LMAN1: variants seen among roughly 807,000 people sequenced by gnomAD.
LMAN1 encodes protein ERGIC-53.
Under a neutral mutation model 67.8 loss-of-function variants are expected in LMAN1, and 32 were observed. The observed-to-expected ratio is 0.47, with a 90% confidence interval of 0.36 to 0.63. LMAN1 has a LOEUF of 0.63. LMAN1 is among the 30% of genes least tolerant of loss of function. LMAN1 has a pLI of 0.00. For missense variants in LMAN1, 632 were observed against 628.2 expected, an observed-to-expected ratio of 1.01 and a Z score of -0.06; for synonymous variants, 235 against 219.3, an observed-to-expected ratio of 1.07 and a Z score of -0.63.
In LMAN1 at chr18:59,328,733, T is replaced by C. The variant is rs916044195; in HGVS notation, c.*2360A>G. ...ACCCAGATGGTCCATGGATCATACT[T>C]TGAGAAACACTGATATCCCCTTAAT... On this transcript the variant is annotated 3_prime_UTR_variant, in exon 13 of 13. Coordinates refer to ENST00000251047, the MANE Select transcript of LMAN1 (RefSeq NM_005570.4). 6.6e-6 allele frequency: 1 copy of C among 152,148 alleles called. No individual in the cohort carries two copies. Among genetic ancestry groups the C allele is most frequent in the African/African-American group, 2.4e-5 (1 of 41,424 alleles). 9.4% of individuals were successfully genotyped at this position (152,148 alleles called of 1,614,324 possible). A position where few individuals can be genotyped will look rare whatever the true frequency, so the allele number is the denominator to read the frequency against.
chr18:59,343,962 A>G (rs932094077), intron 8 of LMAN1, among the ~76,000 whole-genome samples: 12 of 152,154 alleles, frequency 7.9e-5, no homozygotes, highest in African/African-American at 2.9e-4. Context: ...CAAAAAGCCC[A>G]TTAAAAAACT....
At chr18:59,355,212 C>T in intron 3 of LMAN1, 101 bp downstream of exon 3, 1 of 882,404 alleles carries the variant, frequency 1.1e-6, no homozygotes, top group Non-Finnish European at 1.9e-6. Context: ...GAGTTCTGTA[C>T]TATCAAACTG....
chr18:59,347,767 T>A (rs1568116471), intron 6 of LMAN1, among the ~76,000 whole-genome samples, 196 bp from the exon 7 acceptor site: 4 of 152,244 alleles, frequency 2.6e-5, no homozygotes, highest in Admixed American at 2.0e-4. Context: ...AGATTTATAT[T>A]AGAAATAATC....
intron 5 of LMAN1, 160 bp downstream of exon 5, chr18:59,353,042 T>TA: frequency 1.5e-6 from 1 of 659,852 alleles, no homozygotes; most frequent in South Asian, 1.6e-5. Flanking sequence ...GATGACCACT[T>TA]ACACTGAGCT....
intron 8 of LMAN1, among the ~76,000 whole-genome samples, chr18:59,344,013 G>A (rs767328595): frequency 5.3e-5 from 8 of 151,932 alleles, no homozygotes; most frequent in Non-Finnish European, 7.4e-5. Flanking sequence ...AAGAAGACAC[G>A]CAAGTGGCCA....
chr18:59,347,313 T>G (rs1261627716), intron 7 of LMAN1, among the ~76,000 whole-genome samples, 200 bp downstream of exon 7: 3 of 100,482 alleles, frequency 3.0e-5, no homozygotes. Context: ...AGAGCGAGAC[T>G]CCGTCTCAAA....
Position 59,359,227 on chromosome 18 carries a change from T to G in LMAN1, c.18A>C (p.Gln6His). 6.2e-7 allele frequency: 1 copy of G among 1,613,740 alleles called. No individual in the cohort carries two copies. The highest frequency in any genetic ancestry group is 8.5e-7 in the Non-Finnish European group (1 of 1,179,778). Residue 6 changes from glutamine to histidine, a missense_variant, in exon 1 of 13, where the codon CAA becomes CAC. Gln to His is a conservative substitution (Grantham distance 24, BLOSUM62 0). Transcript: ENST00000251047. ...GCCGAACTCTGGCCCGGAGACCCCT[T>G]TGCCTGGATCCCGCCATCTTGGATT... MAGSR[Q>H]RGLRARVRPL...
chr18:59,353,191 A>G lies in LMAN1; in HGVS notation c.639+11T>C. 6.3e-7 allele frequency: 1 copy of G among 1,585,884 alleles called. No homozygotes were observed. The highest frequency in any genetic ancestry group is 8.7e-7 in the Non-Finnish European group (1 of 1,154,250). ...TGTTTATTTGATTCTCTCTAAATAG[A>G]TGTTACTTACTGTCAGTGTGTTCTG... On this transcript the variant is annotated intron_variant, in intron 5 of 12. Transcript: ENST00000251047.
In LMAN1 at chr18:59,359,062, G is replaced by A. The variant is rs376807521; in HGVS notation, c.183C>T (p.Asp61=). ...CGTGGGCCCAGAAGGGCACGGTCCC[G>A]TCGCTCTGCACCAGGTGCGGCCCCT... is the stretch of plus-strand genomic sequence containing the variant. The part of the protein sequence containing the change: ...SFKGPHLVQS[D]GTVPFWAHAG... Residue 61 remains aspartate, a synonymous_variant, in exon 1 of 13, where the codon GAC becomes GAT. Coordinates refer to ENST00000251047, the MANE Select transcript of LMAN1 (RefSeq NM_005570.4). 14 of 1,614,068 alleles carry A rather than the reference G, an allele frequency of 8.7e-6. No individual in the cohort carries two copies. Among genetic ancestry groups the A allele is most frequent in the South Asian group, 7.7e-5 (7 of 91,086 alleles).
At position 59,328,974 on chromosome 18, in the gene LMAN1, C is replaced by T. The variant is rs186718321; in HGVS notation, c.*2119G>A. 9.9e-5 allele frequency: 15 copies of T among 152,228 alleles called. 1 individual carries two copies. Among genetic ancestry groups the T allele is most frequent in the African/African-American group, 3.4e-4 (14 of 41,538 alleles). The allele number at this position is 152,228 out of a possible 1,614,324, so 9.4% of individuals were successfully genotyped here. On this transcript the variant is annotated 3_prime_UTR_variant, in exon 13 of 13. Transcript: ENST00000251047. Reference sequence around the variant, plus strand: ...GTTTTAATCCAAGGCACCTGTAAAACACTTGCTGGTGTGAGAGAAGTGAAC... The same window carrying T: ...GTTTTAATCCAAGGCACCTGTAAAATACTTGCTGGTGTGAGAGAAGTGAAC...
chr18:59,340,455 A>G (rs1197195868), intron 8 of LMAN1, among the ~76,000 whole-genome samples: 1 of 152,170 alleles, frequency 6.6e-6, no homozygotes, highest in Non-Finnish European at 1.5e-5. Context: ...CAGAAGCTTT[A>G]CAGGCCAGAA....
chr18:59,348,787 T>C (rs569113748), intron 6 of LMAN1, among the ~76,000 whole-genome samples: 47 of 152,344 alleles, frequency 3.1e-4, no homozygotes, highest in Non-Finnish European at 1.5e-4. Context: ...TAGTTAATTG[T>C]CATGTGGTTT....
At chr18:59,331,964 C>T (rs886646346) in intron 11 of LMAN1, among the ~76,000 whole-genome samples, 3 of 152,208 alleles carry the variant, frequency 2.0e-5, no homozygotes, top group African/African-American at 4.8e-5. Flanking sequence ...CAATGAACTA[C>T]TTGACAAACA....
chr18:59,356,861 A>G (rs1226550314), intron 1 of LMAN1, among the ~76,000 whole-genome samples: 1 of 152,222 alleles, frequency 6.6e-6, no homozygotes, highest in African/African-American at 2.4e-5. Flanking sequence ...AATGAAAGTG[A>G]AAGAACTCTG....
intron 8 of LMAN1, among the ~76,000 whole-genome samples, chr18:59,340,169 C>T (rs539064049): frequency 3.3e-5 from 5 of 152,110 alleles, no homozygotes; most frequent in South Asian, 4.2e-4. Context: ...ATCCTTAGTC[C>T]GAGTTCAAGT....
In LMAN1 at chr18:59,328,791, T is replaced by G. The variant is rs1434960203; in HGVS notation, c.*2302A>C. 1 of 152,214 alleles carries G rather than the reference T, an allele frequency of 6.6e-6. No individual in the cohort carries two copies. Among genetic ancestry groups the G allele is most frequent in the Non-Finnish European group, 1.5e-5 (1 of 68,026 alleles). 9.4% of individuals were successfully genotyped at this position (152,214 alleles called of 1,614,324 possible). On this transcript the variant is annotated 3_prime_UTR_variant, in exon 13 of 13. Coordinates refer to ENST00000251047, the MANE Select transcript of LMAN1 (RefSeq NM_005570.4). ...AAAACATTGTTTACTGTTTATGACT[T>G]CATGGTAAAGTTTTAAGCTGAATAA...
At chr18:59,333,689 C>T (rs1018323274) in intron 10 of LMAN1, 1 of 158,806 alleles carries the variant, frequency 6.3e-6, no homozygotes, top group African/African-American at 2.4e-5. Flanking sequence ...ACTCATACAG[C>T]ATATAGTAGG....
At chr18:59,347,614 G>A (rs41462047) in intron 6 of LMAN1, 43 bp from the exon 7 acceptor site, 20,325 of 1,262,408 alleles carry the variant, frequency 0.016, 214 homozygotes, top group Non-Finnish European at 0.02. Flanking sequence ...TTCCATAGGA[G>A]ATTACTTTTA....
intron 10 of LMAN1, 37 bp from the exon 11 acceptor site, chr18:59,333,281 A>G (rs755828853): frequency 6.3e-7 from 1 of 1,582,254 alleles, no homozygotes; most frequent in Non-Finnish European, 8.6e-7. Flanking sequence ...TAAAATCACT[A>G]TAAAGTTTTT....
Sources: gnomAD v4.1 joint callset for allele counts (sites outside exome capture counted in the v4.1 genomes callset) on GRCh38, gnomAD v4.1.1 for gene constraint, MANE v1.5 for transcripts, NCBI Gene and HGNC (gene_info 2026-07-23, HGNC 2026-07-21) for gene names.